Variants in TAS2R1 observed in about 807,000 individuals in gnomAD.
The protein encoded by TAS2R1 is taste receptor type 2 member 1.
For missense variants in TAS2R1, 370 were observed against 353.4 expected (o/e 1.05, Z -0.38); for synonymous variants, 141 against 134.2 (o/e 1.05, Z -0.35).
chr5:9,812,944 G>T, the TAS2R1 span, among the ~76,000 whole-genome samples: 1 of 152,138 alleles, frequency 6.6e-6, no homozygotes. Flanking sequence ...TTTAGCAATG[G>T]GTTATGAGCA....
At chr5:9,787,595 A>G in the TAS2R1 span, among the ~76,000 whole-genome samples, 2 of 152,220 alleles carry the variant, frequency 1.3e-5, no homozygotes, top group African/African-American at 4.8e-5. Context: ...TCACTAGCCA[A>G]GTGGCAGTGA....
At chr5:9,821,766 T>C in the TAS2R1 span, among the ~76,000 whole-genome samples, 2 of 152,362 alleles carry the variant, frequency 1.3e-5, no homozygotes, top group South Asian at 4.1e-4. Flanking sequence ...ATTAATTGTA[T>C]CAGGTTTATT....
the TAS2R1 span, among the ~76,000 whole-genome samples, chr5:9,801,654 C>T: frequency 6.6e-6 from 1 of 152,284 alleles, no homozygotes; most frequent in South Asian, 2.1e-4. Flanking sequence ...TGGTCACTGG[C>T]CGCCTGGAAA....
At chr5:9,643,308 C>G (rs1474947485) in intron 2 of TAS2R1, among the ~76,000 whole-genome samples, 3 of 152,210 alleles carry the variant, frequency 2.0e-5, no homozygotes, top group African/African-American at 7.2e-5. Context: ...GGCTACAAAT[C>G]TGTACAACAT....
chr5:9,843,572 C>T, the TAS2R1 span, among the ~76,000 whole-genome samples: 198 of 152,294 alleles, frequency 1.3e-3, no homozygotes, highest in African/African-American at 4.6e-3. Context: ...CACATTTAAC[C>T]GTTTAAAACC....
At chr5:9,702,939 G>A (rs115489636) in intron 1 of TAS2R1, among the ~76,000 whole-genome samples, 1,901 of 152,166 alleles carry the variant, frequency 0.012, 38 homozygotes, top group African/African-American at 0.044. Context: ...CAGATGAAAG[G>A]GAGAGGCCAG....
chr5:9,738,293 G>C, the TAS2R1 span, among the ~76,000 whole-genome samples: 5 of 152,288 alleles, frequency 3.3e-5, no homozygotes, highest in South Asian at 8.3e-4. Context: ...CTACAGATGA[G>C]AATGAAAATG....
intron 2 of TAS2R1, among the ~76,000 whole-genome samples, chr5:9,651,635 T>C (rs2126488773): frequency 6.6e-6 from 1 of 152,288 alleles, no homozygotes; most frequent in South Asian, 2.1e-4. Flanking sequence ...TATAAACATA[T>C]GTATGATATC....
intron 1 of TAS2R1, among the ~76,000 whole-genome samples, chr5:9,671,303 A>G (rs1424245843): frequency 6.6e-6 from 1 of 152,202 alleles, no homozygotes; most frequent in Non-Finnish European, 1.5e-5. Flanking sequence ...AAAATCAGGC[A>G]AGAGAAATAA....
At chr5:9,804,610 T>C in the TAS2R1 span, among the ~76,000 whole-genome samples, 6 of 152,040 alleles carry the variant, frequency 3.9e-5, no homozygotes, top group Non-Finnish European at 8.8e-5. Context: ...ACCATGCAAA[T>C]ACATGGAAAT....
intron 2 of TAS2R1, among the ~76,000 whole-genome samples, chr5:9,637,406 A>G (rs1325005859): frequency 6.6e-6 from 1 of 152,176 alleles, no homozygotes; most frequent in African/African-American, 2.4e-5. Flanking sequence ...CTATGTGCCT[A>G]GGTGATGATC....
intron 1 of TAS2R1, among the ~76,000 whole-genome samples, chr5:9,675,367 T>G (rs1296166999): frequency 6.6e-6 from 1 of 151,320 alleles, no homozygotes; most frequent in East Asian, 1.9e-4. Context: ...TTCTTGTATG[T>G]TTATTAGTAC....
the TAS2R1 span, among the ~76,000 whole-genome samples, chr5:9,722,945 A>G: frequency 7.9e-5 from 12 of 152,292 alleles, no homozygotes; most frequent in Non-Finnish European, 1.8e-4. Context: ...GGAGCTTACC[A>G]CTAAGAAGCC....
At chr5:9,815,974 T>G in the TAS2R1 span, among the ~76,000 whole-genome samples, 1 of 152,180 alleles carries the variant, frequency 6.6e-6, no homozygotes, top group African/African-American at 2.4e-5. Flanking sequence ...AAAATATATG[T>G]GTATGCCCTA....
the TAS2R1 span, among the ~76,000 whole-genome samples, chr5:9,811,187 G>A: frequency 5.9e-5 from 9 of 152,112 alleles, no homozygotes; most frequent in African/African-American, 2.2e-4. Flanking sequence ...TTCACCATGC[G>A]AGGATGCAGC....
chr5:9,665,727 G>C (rs1740619290), intron 1 of TAS2R1, among the ~76,000 whole-genome samples: 1 of 152,202 alleles, frequency 6.6e-6, no homozygotes, highest in South Asian at 2.1e-4. Flanking sequence ...GAATTCAGCG[G>C]CTTAATACTC....
chr5:9,790,420 C>T, the TAS2R1 span, among the ~76,000 whole-genome samples: 3 of 152,270 alleles, frequency 2.0e-5, no homozygotes, highest in East Asian at 1.9e-4. Context: ...GAAGCCACAT[C>T]GGTGTAGCAA....
the TAS2R1 span, chr5:9,765,408 T>C: frequency 6.6e-6 from 1 of 151,908 alleles, no homozygotes; most frequent in African/African-American, 2.4e-5. Flanking sequence ...ATATTTTAAG[T>C]GCCAAGTACA....
the TAS2R1 span, among the ~76,000 whole-genome samples, chr5:9,797,697 G>A: frequency 2.6e-5 from 4 of 152,134 alleles, no homozygotes; most frequent in Non-Finnish European, 5.9e-5. Context: ...TGACGATGAT[G>A]CCACTGCTGA....
Sources: allele counts gnomAD v4.1 joint callset (sites outside exome capture counted in the v4.1 genomes callset), GRCh38; gene constraint gnomAD v4.1.1; transcripts MANE v1.5; gene names NCBI Gene and HGNC (gene_info 2026-07-23, HGNC 2026-07-21).